Variants in TLK1 observed in about 807,000 individuals in gnomAD.
TLK1 encodes serine/threonine-protein kinase tousled-like 1.
TLK1 carries 24 observed loss-of-function variants against 105.3 expected under a neutral mutation model. The ratio of observed to expected loss-of-function variants is 0.23; its 90% CI spans 0.17 to 0.32. The LOEUF (loss-of-function observed/expected upper bound fraction) is 0.32. TLK1 is among the 10% of genes least tolerant of loss of function. The pLI is 1.00. For synonymous variants in TLK1, 321 were observed against 310.4 expected (o/e 1.03, Z -0.36); for missense variants, 558 against 910.5 (o/e 0.61, Z 4.98).
intron 3 of TLK1, among the ~76,000 whole-genome samples, chr2:171,075,555 T>C (rs538216296): frequency 1.3e-5 from 2 of 152,346 alleles, no homozygotes; most frequent in African/African-American, 4.8e-5. Flanking sequence ...ATGTCTGCTT[T>C]ATAAACATGA....
Position 171,049,897 on chromosome 2 carries a change from G to A in TLK1, c.897C>T (p.Arg299=), listed in dbSNP as rs777934955. The change falls in exon 10 of 21, where the codon CGC becomes CGT. Residue 299 remains arginine (R), a synonymous_variant. Transcript: ENST00000431350. The part of the protein sequence containing the change: ...SREKSMQDRL[R]LGHFTTVRHG... ...GTCTAACTGTTGTAAAGTGCCCGAG[G>A]CGTAATCGATCTTGCATACTCTTCT... 5 of 1,613,772 alleles carry A rather than the reference G, an allele frequency of 3.1e-6. No homozygotes were observed. The African/African-American group carries it at 4.0e-5, about 13-fold the overall frequency.
chr2:171,106,516 T>C (rs1271256714), intron 2 of TLK1, among the ~76,000 whole-genome samples: 1 of 152,172 alleles, frequency 6.6e-6, no homozygotes, highest in Non-Finnish European at 1.5e-5. Context: ...ATGAAGGTTG[T>C]ATGTACAGTA....
chr2:171,078,272 G>T (rs1688601894), intron 3 of TLK1, among the ~76,000 whole-genome samples: 1 of 152,124 alleles, frequency 6.6e-6, no homozygotes, highest in Admixed American at 6.5e-5. Flanking sequence ...GGGCTTGGTG[G>T]CTCACACCTG....
At chr2:171,192,551 G>A (rs945300108) in intron 1 of TLK1, among the ~76,000 whole-genome samples, 8 of 152,106 alleles carry the variant, frequency 5.3e-5, no homozygotes, top group Non-Finnish European at 8.8e-5. Context: ...ATGGTTGCAC[G>A]TGCCTGTAGT....
At chr2:171,218,200 C>A (rs1458694487) in intron 1 of TLK1, among the ~76,000 whole-genome samples, 1 of 152,182 alleles carries the variant, frequency 6.6e-6, no homozygotes, top group African/African-American at 2.4e-5. Context: ...TTGCAGTGAG[C>A]TGAGATTGCA....
intron 1 of TLK1, among the ~76,000 whole-genome samples, chr2:171,207,072 C>T (rs1378226727): frequency 1.3e-5 from 2 of 152,192 alleles, no homozygotes; most frequent in Non-Finnish European, 2.9e-5. Context: ...GAATTGAAAT[C>T]TATGTCTACA....
chr2:171,033,401 T>C (rs530352231), intron 11 of TLK1, among the ~76,000 whole-genome samples: 4 of 151,320 alleles, frequency 2.6e-5, no homozygotes, highest in Non-Finnish European at 5.9e-5. Flanking sequence ...GAGAGTAGGA[T>C]GATGGTTACT....
chr2:171,014,042 T>C (rs549391165), intron 13 of TLK1, among the ~76,000 whole-genome samples: 1 of 152,364 alleles, frequency 6.6e-6, no homozygotes, highest in African/African-American at 2.4e-5. Context: ...AAGCTGTACT[T>C]TTCCATTTCT....
At chr2:171,075,980 G>A (rs566716891) in intron 3 of TLK1, among the ~76,000 whole-genome samples, 1 of 152,302 alleles carries the variant, frequency 6.6e-6, no homozygotes, top group African/African-American at 2.4e-5. Flanking sequence ...CACTTTGGGA[G>A]GATGAAGTGG....
intron 18 of TLK1, among the ~76,000 whole-genome samples, chr2:171,002,465 G>A (rs548198460): frequency 1.3e-5 from 2 of 151,840 alleles, no homozygotes; most frequent in South Asian, 2.1e-4. Flanking sequence ...TAGTAGAGAC[G>A]GGGTTTCACC....
chr2:171,123,986 G>A (rs1239724460), intron 1 of TLK1, among the ~76,000 whole-genome samples: 1 of 152,164 alleles, frequency 6.6e-6, no homozygotes, highest in Non-Finnish European at 1.5e-5. Context: ...TTCTTCATTT[G>A]ATATTTGCCT....
At chr2:171,127,690 T>C (rs989715074) in intron 1 of TLK1, among the ~76,000 whole-genome samples, 3 of 152,184 alleles carry the variant, frequency 2.0e-5, no homozygotes, top group Non-Finnish European at 4.4e-5. Context: ...GATATATATC[T>C]AATTTTTTTC....
At chr2:171,116,215 A>G (rs1690418543) in intron 2 of TLK1, among the ~76,000 whole-genome samples, 1 of 152,216 alleles carries the variant, frequency 6.6e-6, no homozygotes, top group African/African-American at 2.4e-5. Context: ...GAGACCATGA[A>G]CAAAGTAAGA....
intron 1 of TLK1, among the ~76,000 whole-genome samples, chr2:171,220,218 G>C (rs1693782320): frequency 6.6e-6 from 1 of 152,114 alleles, no homozygotes; most frequent in East Asian, 1.9e-4. Context: ...CTGGGAATTA[G>C]GCCCTGCTAT....
chr2:171,052,628 C>T (rs1437634180), intron 8 of TLK1, among the ~76,000 whole-genome samples: 2 of 152,166 alleles, frequency 1.3e-5, no homozygotes, highest in African/African-American at 4.8e-5. Flanking sequence ...GAAAATTTCA[C>T]TTAACGTTCA....
intron 12 of TLK1, among the ~76,000 whole-genome samples, chr2:171,022,275 A>C (rs1173326686): frequency 2.0e-5 from 3 of 152,184 alleles, no homozygotes; most frequent in Non-Finnish European, 4.4e-5. Flanking sequence ...ATAAGAACGT[A>C]AACACTGAGT....
intron 11 of TLK1, among the ~76,000 whole-genome samples, chr2:171,042,069 C>T (rs750152023): frequency 6.6e-6 from 1 of 152,048 alleles, no homozygotes; most frequent in African/African-American, 2.4e-5. Flanking sequence ...TCATTTGCCA[C>T]AGAGTTAGTT....
At chr2:171,209,516 G>GA (rs770360745) in intron 1 of TLK1, among the ~76,000 whole-genome samples, 5 of 152,170 alleles carry the variant, frequency 3.3e-5, no homozygotes, top group Admixed American at 6.5e-5. Context: ...TATAACCTAA[G>GA]AAATTATATT....
intron 7 of TLK1, 188 bp downstream of exon 7, chr2:171,054,895 G>T (rs1399382769): frequency 8.0e-6 from 3 of 373,984 alleles, no homozygotes; most frequent in Non-Finnish European, 1.5e-5. Flanking sequence ...AAAGCTGATA[G>T]TAAATTGTGT....
Sources: gnomAD v4.1 joint callset for allele counts (sites outside exome capture counted in the v4.1 genomes callset) on GRCh38, gnomAD v4.1.1 for gene constraint, MANE v1.5 for transcripts, NCBI Gene and HGNC (gene_info 2026-07-23, HGNC 2026-07-21) for gene names.